Variants in ZMYM2 observed in about 807,000 individuals in gnomAD.
ZMYM2 encodes the protein zinc finger MYM-type containing 2.
A neutral mutation model predicts 162.8 loss-of-function variants in ZMYM2; 56 were observed. That is an observed-to-expected ratio of 0.34 (90% CI 0.28 to 0.43). The LOEUF is 0.43. Ranked by LOEUF, ZMYM2 falls within the 20% of genes least tolerant of loss-of-function variation. The pLI is 1.00. For synonymous variants in ZMYM2, 510 were observed against 541.6 expected (o/e 0.94, Z 0.81); for missense variants, 1,275 against 1,621.8 (o/e 0.79, Z 3.67).
In ZMYM2 at chr13:20,086,767, G is replaced by A. The variant is rs1161917026; in HGVS notation, c.*753G>A. On this transcript the variant is annotated 3_prime_UTR_variant, in exon 25 of 25. Coordinates refer to ENST00000610343, the MANE Select transcript of ZMYM2 (RefSeq NM_197968.4). ...TATGTATATATATGTATGTATGTGT[G>A]TGTGTATATATATATATATATATAT... The A allele has an allele frequency of 9.3e-6, 1 of 107,284 alleles. No homozygotes were observed. The highest frequency in any genetic ancestry group is 1.8e-5 in the Non-Finnish European group (1 of 54,488). 6.6% of individuals were successfully genotyped at this position (107,284 alleles called of 1,614,324 possible). A position where few individuals can be genotyped will look rare whatever the true frequency, so the allele number is the denominator to read the frequency against.
chr13:20,046,987 A>G (rs1189865319), intron 12 of ZMYM2, among the ~76,000 whole-genome samples: 3 of 152,302 alleles, frequency 2.0e-5, no homozygotes, highest in Middle Eastern at 6.8e-3. Context: ...AATACATTAT[A>G]TATTCATGCC....
chr13:19,899,242 C>T, the ZMYM2 span, among the ~76,000 whole-genome samples: 3 of 150,568 alleles, frequency 2.0e-5, no homozygotes, highest in Non-Finnish European at 4.4e-5. Flanking sequence ...TGAGCCACCA[C>T]GCCTGGTGCA....
chr13:20,014,767 T>C (rs1214762927), intron 6 of ZMYM2, among the ~76,000 whole-genome samples: 1 of 146,274 alleles, frequency 6.8e-6, no homozygotes, highest in Admixed American at 6.8e-5. Context: ...TTTAGGTTTT[T>C]TTTTTTTTTT....
At position 20,036,863 on chromosome 13, in the gene ZMYM2, T is replaced by A; in HGVS notation, c.2246T>A (p.Phe749Tyr). 6.2e-7 allele frequency: 1 copy of A among 1,610,046 alleles called. No homozygotes were observed. Among genetic ancestry groups the A allele is most frequent in the Non-Finnish European group, 8.5e-7 (1 of 1,178,148 alleles). Reference sequence around the variant, plus strand: ...GAACTCGATGGTGTTGTGAGAGATTTCTGCAGTGAAGATTGCTGTAAAAAA... The same window carrying A: ...GAACTCGATGGTGTTGTGAGAGATTACTGCAGTGAAGATTGCTGTAAAAAA... ...TKELDGVVRD[F>Y]CSEDCCKKFQ... Residue 749 changes from phenylalanine to tyrosine, a missense_variant, in exon 12 of 25, where the codon TTC (phenylalanine) becomes TAC (tyrosine). This residue lies in a region of ZMYM2 where 177 missense variants were observed against 228.0 expected (regional missense o/e 0.78). Coordinates refer to ENST00000610343, the MANE Select transcript of ZMYM2 (RefSeq NM_197968.4).
chr13:19,902,793 C>T, the ZMYM2 span, among the ~76,000 whole-genome samples: 191 of 151,752 alleles, frequency 1.3e-3, 1 homozygote, highest in Non-Finnish European at 2.3e-3. Context: ...TGTGAGGATC[C>T]CTTGAATCCA....
At chr13:19,900,288 G>A in the ZMYM2 span, among the ~76,000 whole-genome samples, 1 of 152,200 alleles carries the variant, frequency 6.6e-6, no homozygotes, top group Admixed American at 6.6e-5. Context: ...GACAGAGCCA[G>A]TGAGACTGTC....
chr13:20,030,045 T>C (rs1203398232), intron 9 of ZMYM2, among the ~76,000 whole-genome samples: 2 of 152,098 alleles, frequency 1.3e-5, no homozygotes, highest in Admixed American at 1.3e-4. Flanking sequence ...TCCGCCTGCC[T>C]CTGCCTCCCA....
Position 20,006,490 on chromosome 13 carries a change from G to A in ZMYM2, c.1416G>A (p.Glu472=), listed in dbSNP as rs373133861. 2.6e-5 allele frequency: 42 copies of A among 1,613,658 alleles called. No individual in the cohort carries two copies. The highest frequency in any genetic ancestry group is 2.8e-5 in the Non-Finnish European group (33 of 1,179,816). ...LIMNCCEQCG[E]YLPSKGAGNN... ...TGAATTGCTGTGAACAGTGTGGAGAGTACTTGCCCAGTAAAGGTGCTGGAA... is the reference window on the plus strand; with the variant it reads ...TGAATTGCTGTGAACAGTGTGGAGAATACTTGCCCAGTAAAGGTGCTGGAA... Residue 472 remains glutamate, a synonymous_variant, in exon 6 of 25, where the codon GAG becomes GAA. Transcript: ENST00000610343.
At chr13:19,933,259 T>C in the ZMYM2 span, among the ~76,000 whole-genome samples, 68 of 152,228 alleles carry the variant, frequency 4.5e-4, no homozygotes, top group African/African-American at 1.6e-3. Flanking sequence ...CCTGTTTTCT[T>C]TGATGTATCA....
intron 2 of ZMYM2, among the ~76,000 whole-genome samples, chr13:19,982,522 A>T (rs1489049905): frequency 6.6e-6 from 1 of 151,988 alleles, no homozygotes; most frequent in African/African-American, 2.4e-5. Context: ...TCCTGACCTG[A>T]AGTGATCTAC....
At chr13:19,991,314 C>T (rs1434717122) in intron 2 of ZMYM2, among the ~76,000 whole-genome samples, 1 of 151,758 alleles carries the variant, frequency 6.6e-6, no homozygotes, top group Non-Finnish European at 1.5e-5. Flanking sequence ...GATTTGAGGT[C>T]TTGTTATGTT....
intron 21 of ZMYM2, chr13:20,071,807 C>T (rs892566261): frequency 6.6e-5 from 12 of 181,932 alleles, no homozygotes; most frequent in African/African-American, 2.6e-4. Context: ...TTCTCTGCCT[C>T]CAGACCCCAT....
the ZMYM2 span, among the ~76,000 whole-genome samples, chr13:19,872,363 A>G: frequency 6.6e-6 from 1 of 152,042 alleles, no homozygotes; most frequent in African/African-American, 2.4e-5. Context: ...CAGCCTGACC[A>G]ACATGGTGAA....
the ZMYM2 span, among the ~76,000 whole-genome samples, chr13:19,886,958 G>A: frequency 7.9e-5 from 12 of 151,444 alleles, no homozygotes; most frequent in African/African-American, 2.7e-4. Context: ...CACCATGCCC[G>A]GCCAAAATTT....
At chr13:20,065,693 A>G (rs1956621618) in intron 19 of ZMYM2, among the ~76,000 whole-genome samples, 1 of 152,082 alleles carries the variant, frequency 6.6e-6, no homozygotes, top group African/African-American at 2.4e-5. Context: ...AGTCCCAGCT[A>G]CCCAGGAGGA....
At chr13:19,975,164 GTCT>G (rs1365947518) in intron 2 of ZMYM2, among the ~76,000 whole-genome samples, 1 of 101,058 alleles carries the variant, frequency 9.9e-6, no homozygotes. Flanking sequence ...CCCATATGGT[GTCT>G]TCTTTTCTTA....
At chr13:19,954,192 A>G (rs1448499589), upstream of ZMYM2, among the ~76,000 whole-genome samples, 1 of 125,654 alleles carries the variant, frequency 8.0e-6, no homozygotes, top group South Asian at 2.8e-4. Context: ...GCGGTGGCAC[A>G]ATCTCGGCTC....
At chr13:20,046,762 G>A (rs1414821657) in intron 12 of ZMYM2, among the ~76,000 whole-genome samples, 1 of 151,282 alleles carries the variant, frequency 6.6e-6, no homozygotes, top group East Asian at 1.9e-4. Flanking sequence ...GGGAAGCAAA[G>A]GTACGTTCTT....
At chr13:19,976,001 G>GT (rs1022355230) in intron 2 of ZMYM2, among the ~76,000 whole-genome samples, 1 of 151,938 alleles carries the variant, frequency 6.6e-6, no homozygotes, top group Non-Finnish European at 1.5e-5. Context: ...GGGATTACAG[G>GT]TGTGAGCACC....
Sources: gnomAD v4.1 joint callset for allele counts (sites outside exome capture counted in the v4.1 genomes callset) on GRCh38, gnomAD v4.1.1 for gene constraint, gnomAD v4.1.1 regional missense constraint, MANE v1.5 for transcripts, NCBI Gene and HGNC (gene_info 2026-07-23, HGNC 2026-07-21) for gene names.